Variants in CD300LF observed in about 807,000 individuals in gnomAD.
CD300LF encodes CD300 molecule like family member f, also known as CMRF35-like molecule 1.
CD300LF carries 27 observed loss-of-function variants against 32.2 expected under a neutral mutation model. The ratio of observed to expected loss-of-function variants is 0.84; its 90% CI spans 0.62 to 1.15. The LOEUF (loss-of-function observed/expected upper bound fraction) is 1.15, where lower values mean the gene tolerates loss of function less well. Ranked by LOEUF, CD300LF falls within the 50% of genes most tolerant of loss-of-function variation. The pLI, the probability that CD300LF is intolerant of heterozygous loss-of-function variation, is 0.00. For missense variants in CD300LF, 348 were observed against 356.8 expected (o/e 0.98, Z 0.20); for synonymous variants, 139 against 143.2 (o/e 0.97, Z 0.21).
chr17:74,706,007 A>G (rs1269830976), intron 1 of CD300LF, among the ~76,000 whole-genome samples: 1 of 152,160 alleles, frequency 6.6e-6, no homozygotes, highest in African/African-American at 2.4e-5. Context: ...AAAACCAAAT[A>G]CCGCATGTTC....
chr17:74,699,168 C>T (rs1598219693), intron 3 of CD300LF, among the ~76,000 whole-genome samples: 1 of 152,202 alleles, frequency 6.6e-6, no homozygotes, highest in Non-Finnish European at 1.5e-5. Flanking sequence ...CCGCCCACCT[C>T]AGCCTCCCAA....
intron 1 of CD300LF, among the ~76,000 whole-genome samples, chr17:74,710,179 C>T (rs975785830): frequency 6.6e-6 from 1 of 151,366 alleles, no homozygotes; most frequent in Non-Finnish European, 1.5e-5. Flanking sequence ...GGGGTTTCAC[C>T]GTAGCCAGGA....
chr17:74,700,267 T>C (rs1485989410), intron 3 of CD300LF, among the ~76,000 whole-genome samples: 2 of 152,136 alleles, frequency 1.3e-5, no homozygotes, highest in African/African-American at 4.8e-5. Flanking sequence ...GACAATGGCC[T>C]CCACTCCTGC....
intron 3 of CD300LF, 43 bp downstream of exon 3, chr17:74,702,992 A>G (rs1278026095): frequency 6.8e-7 from 1 of 1,472,816 alleles, no homozygotes; most frequent in South Asian, 1.1e-5. Context: ...CCATTGGAGG[A>G]GTTTGGGCCA....
chr17:74,702,589 C>T lies in CD300LF; in HGVS notation c.446+446G>A, dbSNP rs1266760750. On this transcript the variant is annotated intron_variant, in intron 3 of 6. Coordinates refer to ENST00000326165, the MANE Select transcript of CD300LF (RefSeq NM_139018.5). ...AAGGGAAACAGGACTTCCCCAAGCC[C>T]TCCTTTCCTTGTCCTCCCAGAAGTT... is the stretch of plus-strand genomic sequence containing the variant. Among the ~76,000 whole-genome samples the T allele has an allele frequency of 2.0e-5, 3 of 152,172 alleles. No individual in the cohort carries two copies. The East Asian group carries it at 5.8e-4, about 29-fold the overall frequency.
At chr17:74,703,303 G>T (rs1435562083) in intron 2 of CD300LF, among the ~76,000 whole-genome samples, 1 of 152,154 alleles carries the variant, frequency 6.6e-6, no homozygotes, top group Non-Finnish European at 1.5e-5. Context: ...GTCTCTAGGA[G>T]ACTCCAGAGC....
At chr17:74,708,645 G>T (rs764354659) in intron 1 of CD300LF, among the ~76,000 whole-genome samples, 3 of 152,278 alleles carry the variant, frequency 2.0e-5, no homozygotes, top group East Asian at 1.9e-4. Context: ...GGCTGGACGC[G>T]GTGGCTTACA....
chr17:74,700,517 G>A (rs557200400), intron 3 of CD300LF, among the ~76,000 whole-genome samples: 1 of 152,264 alleles, frequency 6.6e-6, no homozygotes, highest in South Asian at 2.1e-4. Flanking sequence ...GAGGCAGGCT[G>A]ATCACATGAG....
intron 3 of CD300LF, among the ~76,000 whole-genome samples, chr17:74,701,965 T>G (rs533284194): frequency 6.6e-6 from 1 of 151,256 alleles, no homozygotes; most frequent in African/African-American, 2.4e-5. Context: ...GAGGTTGCAG[T>G]GAGCCAAGAT....
At chr17:74,702,573 A>G (rs2033151353) in intron 3 of CD300LF, among the ~76,000 whole-genome samples, 1 of 152,124 alleles carries the variant, frequency 6.6e-6, no homozygotes, top group Non-Finnish European at 1.5e-5. Flanking sequence ...TAAGGGAAAC[A>G]GGACTTCCCC....
At position 74,712,833 on chromosome 17, in the gene CD300LF, A is replaced by T. The variant is rs745918380; in HGVS notation, c.34T>A (p.Trp12Arg). 2 of 1,614,066 alleles carry T rather than the reference A, an allele frequency of 1.2e-6. No homozygotes were observed. The highest frequency in any genetic ancestry group is 1.7e-6 in the Non-Finnish European group (2 of 1,179,990). The part of the protein sequence containing the change: ...PLLTLYLLLF[W>R]LSGYSIVTQI... The stretch of plus-strand genomic sequence containing the variant: ...ACCCAGGCCCGCTCACCTGAGAGCC[A>T]GAAGAGGAGCAGGTAGAGTGTCAGC... Residue 12 changes from tryptophan (W) to arginine (R), a missense_variant, in exon 1 of 7, where the codon TGG becomes AGG. Trp to Arg is a moderately radical substitution (Grantham distance 101). Transcript: ENST00000326165.
intron 1 of CD300LF, among the ~76,000 whole-genome samples, chr17:74,710,072 G>A (rs1480844011): frequency 6.6e-6 from 1 of 152,010 alleles, no homozygotes; most frequent in African/African-American, 2.4e-5. Context: ...TCCGCCTCCC[G>A]GGTTCACGCC....
intron 4 of CD300LF, among the ~76,000 whole-genome samples, chr17:74,697,850 T>C (rs546875382): frequency 6.6e-6 from 1 of 151,986 alleles, no homozygotes; most frequent in East Asian, 1.9e-4. Flanking sequence ...TGGAGGGCTG[T>C]GTGTGTGTGT....
At chr17:74,698,219 C>G in intron 4 of CD300LF, 150 bp downstream of exon 4, 1 of 647,582 alleles carries the variant, frequency 1.5e-6, no homozygotes, top group Non-Finnish European at 2.7e-6. Context: ...GGGCGCCCCC[C>G]GGTCCCCTGG....
At chr17:74,706,592 C>T (rs1279928019) in intron 1 of CD300LF, among the ~76,000 whole-genome samples, 3 of 151,984 alleles carry the variant, frequency 2.0e-5, no homozygotes, top group South Asian at 2.1e-4. Flanking sequence ...CGCTTGAACC[C>T]GGGAGGCAGA....
In CD300LF at chr17:74,704,487, T is replaced by C; in HGVS notation, c.373A>G (p.Ile125Val). 6.2e-7 allele frequency: 1 copy of C among 1,610,474 alleles called. No individual in the cohort carries two copies. The highest frequency in any genetic ancestry group is 8.5e-7 in the Non-Finnish European group (1 of 1,177,304). The change falls in exon 2 of 7, where the codon ATT (isoleucine) becomes GTT (valine). Residue 125 changes from isoleucine (I) to valine (V), a missense_variant. By Grantham distance (29) the Ile-to-Val change is conservative (BLOSUM62 3). Transcript: ENST00000326165. ...NDLGVTVQVT[I>V]DPAPVTQEET... is the part of the protein sequence containing the mutation. ...ATACACTCCCTCTTACCTGGGTCAA[T>C]GGTCACTTGAACTGTGACCCCAAGG...
chr17:74,699,822 C>A (rs2032870946), intron 3 of CD300LF, among the ~76,000 whole-genome samples: 1 of 152,042 alleles, frequency 6.6e-6, no homozygotes, highest in Non-Finnish European at 1.5e-5. Flanking sequence ...AACCAAACGT[C>A]AAAGCACACC....
Position 74,706,182 on chromosome 17 carries a change from T to C in CD300LF, c.44-1366A>G, listed in dbSNP as rs906677046. On this transcript the variant is annotated intron_variant, in intron 1 of 6. Coordinates refer to ENST00000326165, the MANE Select transcript of CD300LF (RefSeq NM_139018.5). ...TTCACTATCTGGGTGACAGGTTTGATTGAGGCTCAAACCTCAGCATCATGC... is the reference window on the plus strand; with the variant it reads ...TTCACTATCTGGGTGACAGGTTTGACTGAGGCTCAAACCTCAGCATCATGC... 5.3e-5 allele frequency among the ~76,000 whole-genome samples: 8 copies of C among 151,860 alleles called. No individual in the cohort carries two copies. In the South Asian group the frequency reaches 1.0e-3, roughly 20 times the overall value.
At chr17:74,703,719 C>A (rs2033266265) in intron 2 of CD300LF, among the ~76,000 whole-genome samples, 1 of 152,200 alleles carries the variant, frequency 6.6e-6, no homozygotes, top group African/African-American at 2.4e-5. Flanking sequence ...CCGGGTGCAA[C>A]CTGGGGCCCC....
Sources: allele counts gnomAD v4.1 joint callset (sites outside exome capture counted in the v4.1 genomes callset), GRCh38; gene constraint gnomAD v4.1.1; transcripts MANE v1.5; gene names NCBI Gene and HGNC (gene_info 2026-07-23, HGNC 2026-07-21).